The following PTPRJ variants were observed in gnomAD, a reference collection of about 807,000 sequenced individuals.
PTPRJ encodes protein tyrosine phosphatase receptor type J, also known as receptor-type tyrosine-protein phosphatase eta.
PTPRJ carries 129 observed loss-of-function variants against 141.3 expected under a neutral mutation model. The ratio of observed to expected loss-of-function variants is 0.91; its 90% CI spans 0.79 to 1.06. The LOEUF is 1.06. Among genes scored for constraint, PTPRJ ranks in the 50% least tolerant of loss-of-function variants. PTPRJ has a pLI of 0.00. For synonymous variants in PTPRJ, 610 were observed against 640.5 expected, an observed-to-expected ratio of 0.95 and a Z score of 0.72; for missense variants, 1,601 against 1,679.7, an observed-to-expected ratio of 0.95 and a Z score of 0.82.
chr11:48,005,677 G>T (rs1448578442), intron 1 of PTPRJ, among the ~76,000 whole-genome samples: 1 of 152,116 alleles, frequency 6.6e-6, no homozygotes, highest in Non-Finnish European at 1.5e-5. Context: ...ACCAGTGTTT[G>T]TGTGGCCACG....
intron 1 of PTPRJ, among the ~76,000 whole-genome samples, chr11:48,054,966 C>T (rs1854715873): frequency 6.6e-6 from 1 of 152,024 alleles, no homozygotes; most frequent in East Asian, 1.9e-4. Context: ...AGGCAGATTG[C>T]TTGAGTCTAG....
At chr11:48,034,358 A>G (rs1854066957) in intron 1 of PTPRJ, among the ~76,000 whole-genome samples, 1 of 152,032 alleles carries the variant, frequency 6.6e-6, no homozygotes, top group Non-Finnish European at 1.5e-5. Context: ...CTTTCTTAGA[A>G]TTTAGGTCTC....
At chr11:48,045,168 C>A (rs1489012956) in intron 1 of PTPRJ, among the ~76,000 whole-genome samples, 1 of 152,192 alleles carries the variant, frequency 6.6e-6, no homozygotes, top group Non-Finnish European at 1.5e-5. Context: ...GAACTTCCTT[C>A]TGATGCAGAT....
At chr11:47,995,309 T>G (rs1292322838) in intron 1 of PTPRJ, among the ~76,000 whole-genome samples, 1 of 152,162 alleles carries the variant, frequency 6.6e-6, no homozygotes, top group Non-Finnish European at 1.5e-5. Flanking sequence ...TCCTATGACG[T>G]AGGTATAGGG....
chr11:48,049,031 C>T (rs564708555), intron 1 of PTPRJ, among the ~76,000 whole-genome samples: 6 of 152,206 alleles, frequency 3.9e-5, no homozygotes, highest in African/African-American at 1.2e-4. Context: ...ACTTATAGTC[C>T]GGAGCAGGGT....
chr11:47,982,419 T>C (rs1853934633), intron 1 of PTPRJ, among the ~76,000 whole-genome samples: 1 of 152,300 alleles, frequency 6.6e-6, no homozygotes, highest in Middle Eastern at 3.4e-3. Flanking sequence ...AAAAGAACTT[T>C]GTAAATATTA....
chr11:48,053,160 TATATATATAAAAATATATAA>T (rs1454782582), intron 1 of PTPRJ, among the ~76,000 whole-genome samples: 206 of 110,528 alleles, frequency 1.9e-3, no homozygotes, highest in Middle Eastern at 4.0e-3. Flanking sequence ...AAATATATAT[TATATATATAAAAATATATAA>T]ATATATATAA....
intron 1 of PTPRJ, among the ~76,000 whole-genome samples, chr11:48,011,743 C>A (rs1854796420): frequency 6.6e-6 from 1 of 152,118 alleles, no homozygotes; most frequent in Non-Finnish European, 1.5e-5. Flanking sequence ...TTACTGCAGC[C>A]TCAAACTCCC....
chr11:48,094,837 G>C (rs192164426), intron 1 of PTPRJ, among the ~76,000 whole-genome samples: 1,621 of 152,212 alleles, frequency 0.011, 33 homozygotes, highest in African/African-American at 0.037. Context: ...ATGGATACCC[G>C]AGAACATGTT....
chr11:48,105,610 G>A (rs758451771), intron 1 of PTPRJ, among the ~76,000 whole-genome samples: 3 of 152,264 alleles, frequency 2.0e-5, no homozygotes, highest in East Asian at 1.9e-4. Flanking sequence ...ATGGCTCCAC[G>A]AGACCCTCAA....
intron 24 of PTPRJ, 50 bp from the exon 25 acceptor site, chr11:48,167,154 T>A (rs2134392381): frequency 6.5e-7 from 1 of 1,549,392 alleles, no homozygotes; most frequent in East Asian, 2.3e-5. Flanking sequence ...GGGTGCTAAT[T>A]TCTGGGACCC....
Position 47,980,589 on chromosome 11 carries a change from A to AGCGGGAGCAGCC in PTPRJ, c.-315_-304dup, listed in dbSNP as rs1853868154. On this transcript the variant is annotated 5_prime_UTR_variant, in exon 1 of 25. Coordinates refer to ENST00000418331, the MANE Select transcript of PTPRJ (RefSeq NM_002843.4). ...CAGCCGCATGACGCGCGGAGGAGGC[A>AGCGGGAGCAGCC]GCGGGAGCAGCCGCGGGAGCCGGGA... 9 of 982,844 alleles carry AGCGGGAGCAGCC rather than the reference A, an allele frequency of 9.2e-6. No individual in the cohort carries two copies. In the Admixed American group the frequency reaches 1.9e-4, roughly 20 times the overall value. 60.9% of individuals were successfully genotyped at this position (982,844 alleles called of 1,614,324 possible). A position where few individuals can be genotyped will look rare whatever the true frequency, so the allele number is the denominator to read the frequency against.
intron 21 of PTPRJ, among the ~76,000 whole-genome samples, chr11:48,156,620 G>A (rs973319498): frequency 5.5e-5 from 8 of 145,230 alleles, no homozygotes; most frequent in Admixed American, 2.1e-4. Context: ...TTTGAGACAG[G>A]GTCTCCTCTG....
At chr11:48,076,326 G>GT (rs1169734780) in intron 1 of PTPRJ, among the ~76,000 whole-genome samples, 10 of 148,968 alleles carry the variant, frequency 6.7e-5, no homozygotes, top group Non-Finnish European at 1.0e-4. Context: ...ATTAGAGTTT[G>GT]TTTTTTTGTC....
intron 1 of PTPRJ, among the ~76,000 whole-genome samples, chr11:48,053,301 T>A (rs1435323981): frequency 2.2e-5 from 2 of 90,286 alleles, no homozygotes; most frequent in Non-Finnish European, 4.0e-5. Context: ...ATATATAAAA[T>A]ATATAAATAT....
At chr11:48,102,605 T>A (rs11039516) in intron 1 of PTPRJ, among the ~76,000 whole-genome samples, 71,027 of 151,456 alleles carry the variant, frequency 0.47, 19,902 homozygotes, top group Admixed American at 0.6. Context: ...AGAGACGGGG[T>A]TTCACCATGT....
At chr11:48,153,134 G>A (rs1047160915) in intron 18 of PTPRJ, among the ~76,000 whole-genome samples, 2 of 152,080 alleles carry the variant, frequency 1.3e-5, no homozygotes, top group African/African-American at 2.4e-5. Flanking sequence ...AGCTTTAATC[G>A]GGTGCTGCAG....
intron 3 of PTPRJ, among the ~76,000 whole-genome samples, chr11:48,119,209 A>G (rs1334857631): frequency 6.6e-6 from 1 of 152,004 alleles, no homozygotes; most frequent in Non-Finnish European, 1.5e-5. Context: ...CATCATTGTT[A>G]TTGATTGTAA....
At chr11:48,122,034 C>T (rs368705546) in intron 4 of PTPRJ, among the ~76,000 whole-genome samples, 79 of 151,882 alleles carry the variant, frequency 5.2e-4, no homozygotes, top group African/African-American at 1.8e-3. Context: ...CAGTGGCTTC[C>T]GACATTTTAA....
Sources: allele counts gnomAD v4.1 joint callset (sites outside exome capture counted in the v4.1 genomes callset), GRCh38; gene constraint gnomAD v4.1.1; transcripts MANE v1.5; gene names NCBI Gene and HGNC (gene_info 2026-07-23, HGNC 2026-07-21).